PITPNM3: variants seen among roughly 807,000 people sequenced by gnomAD.
PITPNM3 encodes membrane-associated phosphatidylinositol transfer protein 3.
Under a neutral mutation model 102.0 loss-of-function variants are expected in PITPNM3, and 26 were observed. That is an observed-to-expected ratio of 0.25 (90% CI 0.19 to 0.35). PITPNM3 has a LOEUF of 0.35. PITPNM3 is among the 10% of genes least tolerant of loss of function. The pLI, the probability that PITPNM3 is intolerant of heterozygous loss-of-function variation, is 1.00. For synonymous variants in PITPNM3, 578 were observed against 558.6 expected, an observed-to-expected ratio of 1.03 and a Z score of -0.49; for missense variants, 1,083 against 1,346.1, an observed-to-expected ratio of 0.80 and a Z score of 3.06.
At chr17:6,501,092 A>G (rs984510512) in intron 4 of PITPNM3, among the ~76,000 whole-genome samples, 3 of 152,174 alleles carry the variant, frequency 2.0e-5, no homozygotes, top group African/African-American at 7.2e-5. Flanking sequence ...CATCTCATCA[A>G]TTCAATTGTG....
At chr17:6,549,808 G>A (rs886761660) in intron 1 of PITPNM3, among the ~76,000 whole-genome samples, 2 of 151,934 alleles carry the variant, frequency 1.3e-5, no homozygotes, top group Admixed American at 1.3e-4. Flanking sequence ...CTCCCACACC[G>A]AGCCCTTCCC....
chr17:6,548,311 A>AGGCG (rs1910136013), intron 1 of PITPNM3, among the ~76,000 whole-genome samples: 1 of 152,230 alleles, frequency 6.6e-6, no homozygotes, highest in African/African-American at 2.4e-5. Flanking sequence ...AAAGCCCCAG[A>AGGCG]GGCGGAGCTC....
chr17:6,535,731 C>A lies in PITPNM3; in HGVS notation c.118+2256G>T, dbSNP rs190277400. ...GTAAGGAGTTCAAGACCAGCCTGGC[C>A]AACATGGTGAAACCCTGTCTCTACT... On this transcript the variant is annotated intron_variant, in intron 2 of 19. Coordinates refer to ENST00000262483, the MANE Select transcript of PITPNM3 (RefSeq NM_031220.4). Among the ~76,000 whole-genome samples the A allele has an allele frequency of 8.9e-3, 1,352 of 151,554 alleles. 13 individuals are homozygous for A. Among genetic ancestry groups the A allele is most frequent in the African/African-American group, 0.031 (1,280 of 41,316 alleles).
rs569505618 is a variant in PITPNM3, at chr17:6,549,113, T to C, written c.22+7272A>G. Among the ~76,000 whole-genome samples the C allele has an allele frequency of 6.6e-5, 10 of 152,128 alleles. 2 individuals carry two copies. In the South Asian group the frequency reaches 2.1e-3, roughly 32 times the overall value. On this transcript the variant is annotated intron_variant, in intron 1 of 19. Transcript: ENST00000262483. ...TCCAAGCTGTCCTGCTCACCAGCCCTGGAGAAGAGCTTCTCCAGGACACCT... is the reference window on the plus strand; with the variant it reads ...TCCAAGCTGTCCTGCTCACCAGCCCCGGAGAAGAGCTTCTCCAGGACACCT...
In PITPNM3 at chr17:6,457,642, C is replaced by T; in HGVS notation, c.2571G>A (p.Gln857=). The part of the protein sequence containing the change: ...VYSVLGLPAS[Q]IFIVGRPTKK... ...TGGTGGGCCGGCCCACAATGAAGAT[C>T]TGGGAGGCAGGCAGGCCCAGCACGC... Residue 857 remains glutamine (Q), a synonymous_variant, in exon 19 of 20, where the codon CAG becomes CAA. Transcript: ENST00000262483. The surrounding 1 kb of genome is among the most constrained non-coding windows in gnomAD (Gnocchi z 4.7). 6.3e-7 allele frequency: 1 copy of T among 1,593,366 alleles called. No homozygotes were observed. The highest frequency in any genetic ancestry group is 8.6e-7 in the Non-Finnish European group (1 of 1,168,102).
intron 6 of PITPNM3, chr17:6,481,753 T>TAGAC (rs1170555166): frequency 2.0e-5 from 3 of 149,282 alleles, no homozygotes; most frequent in Non-Finnish European, 4.5e-5. Flanking sequence ...GATAGATAGA[T>TAGAC]AGATAGATAG....
intron 3 of PITPNM3, among the ~76,000 whole-genome samples, chr17:6,519,108 C>A (rs1315314024): frequency 6.6e-6 from 1 of 150,856 alleles, no homozygotes; most frequent in African/African-American, 2.4e-5. Context: ...GAGGCCATGG[C>A]GGGCGGATCA....
intron 3 of PITPNM3, 145 bp from the exon 4 acceptor site, chr17:6,503,719 G>T: frequency 1.2e-6 from 1 of 833,810 alleles, no homozygotes; most frequent in Non-Finnish European, 2.0e-6. Flanking sequence ...TTCATGCCCT[G>T]CTCTGCCCTG....
In PITPNM3 at chr17:6,478,802, G is replaced by A; in HGVS notation, c.588-66C>T. 6.8e-7 allele frequency: 1 copy of A among 1,468,184 alleles called. No individual in the cohort carries two copies. Among genetic ancestry groups the A allele is most frequent in the Non-Finnish European group, 9.1e-7 (1 of 1,096,170 alleles). The allele number at this position is 1,468,184 out of a possible 1,614,324, so 90.9% of individuals were successfully genotyped here. Reference sequence around the variant, plus strand: ...GCAGGTTGGCAGGTTTGGGGCTGAGGATCAGGCAGAAGAGAGCACATACTG... The same window carrying A: ...GCAGGTTGGCAGGTTTGGGGCTGAGAATCAGGCAGAAGAGAGCACATACTG... On this transcript the variant is annotated intron_variant, in intron 6 of 19. Coordinates refer to ENST00000262483, the MANE Select transcript of PITPNM3 (RefSeq NM_031220.4). The surrounding 1 kb of genome is among the most constrained non-coding windows in gnomAD (Gnocchi z 4.4).
chr17:6,546,280 A>C (rs574359558), intron 1 of PITPNM3, among the ~76,000 whole-genome samples: 2 of 152,368 alleles, frequency 1.3e-5, no homozygotes, highest in East Asian at 3.9e-4. Flanking sequence ...GGAGCCCTGG[A>C]AGGGCCTATC....
At chr17:6,519,149 A>C (rs1427146821) in intron 3 of PITPNM3, among the ~76,000 whole-genome samples, 1 of 145,374 alleles carries the variant, frequency 6.9e-6, no homozygotes, top group Non-Finnish European at 1.5e-5. Flanking sequence ...CGTCCTGGCT[A>C]ACAAGGTGAA....
At chr17:6,522,019 C>T (rs1908555790) in intron 3 of PITPNM3, among the ~76,000 whole-genome samples, 1 of 152,172 alleles carries the variant, frequency 6.6e-6, no homozygotes, top group South Asian at 2.1e-4. Flanking sequence ...AATTAAAACC[C>T]TAAGCCTGTG....
rs1905131086 is a variant in PITPNM3 at position 6,472,870 on chromosome 17, C to T, written c.1259-43G>A. 1 of 1,608,320 alleles carries T rather than the reference C, an allele frequency of 6.2e-7. No homozygotes were observed. Among genetic ancestry groups the T allele is most frequent in the African/African-American group, 1.3e-5 (1 of 74,778 alleles). On this transcript the variant is annotated intron_variant, in intron 10 of 19. Coordinates refer to ENST00000262483, the MANE Select transcript of PITPNM3 (RefSeq NM_031220.4). This position sits in a 1 kb window ranked among gnomAD's most constrained non-coding sequence, Gnocchi z 4.1. ...ACAGAGGGAAGCCACTTTCTAGTAC[C>T]TGCTCCCTGGGCCCTAGGAGGCTCC...
At position 6,455,261 on chromosome 17, in the gene PITPNM3, G is replaced by C; in HGVS notation, c.*77C>G. 1.4e-6 allele frequency: 2 copies of C among 1,477,822 alleles called. No individual in the cohort carries two copies. The highest frequency in any genetic ancestry group is 1.8e-6 in the Non-Finnish European group (2 of 1,106,122). The allele number at this position is 1,477,822 out of a possible 1,614,324, so 91.5% of individuals were successfully genotyped here. The stretch of plus-strand genomic sequence containing the variant: ...AAAGCAGGAAAACGCCTGTGTCGGG[G>C]AGAGGGCAGCCCCCTCCCGTCCCCG... On this transcript the variant is annotated 3_prime_UTR_variant, in exon 20 of 20. Transcript: ENST00000262483.
In PITPNM3 at chr17:6,556,291, G is replaced by A; in HGVS notation, c.22+94C>T. The A allele has an allele frequency of 6.1e-6, 7 of 1,153,094 alleles. 1 individual carries two copies. The South Asian group carries it at 1.2e-4, about 20-fold the overall frequency. 71.4% of individuals were successfully genotyped at this position (1,153,094 alleles called of 1,614,324 possible). Reference sequence around the variant, plus strand: ...GCCCTCCCGGGACCTCCGCCCACCTGCGCGAGGGGTTCACCTGGGCCGGCG... The same window carrying A: ...GCCCTCCCGGGACCTCCGCCCACCTACGCGAGGGGTTCACCTGGGCCGGCG... On this transcript the variant is annotated intron_variant, in intron 1 of 19. Transcript: ENST00000262483. This position sits in a 1 kb window ranked among gnomAD's most constrained non-coding sequence, Gnocchi z 5.2.
Position 6,483,451 on chromosome 17 carries a change from G to A in PITPNM3, c.587+66C>T, listed in dbSNP as rs1905867069. The A allele has an allele frequency of 1.6e-5, 23 of 1,480,384 alleles. No individual in the cohort carries two copies. The South Asian group carries it at 2.6e-4, about 17-fold the overall frequency. The allele number at this position is 1,480,384 out of a possible 1,614,324, so 91.7% of individuals were successfully genotyped here. On this transcript the variant is annotated intron_variant, in intron 6 of 19. Coordinates refer to ENST00000262483, the MANE Select transcript of PITPNM3 (RefSeq NM_031220.4). Reference sequence around the variant, plus strand: ...CCTGCCCACGGGGTCCATGCTGCAGGGGGAGCCCCTCCACTTAGTTCCCCC... The same window carrying A: ...CCTGCCCACGGGGTCCATGCTGCAGAGGGAGCCCCTCCACTTAGTTCCCCC...
chr17:6,508,271 A>C (rs1907663244), intron 3 of PITPNM3, among the ~76,000 whole-genome samples: 1 of 152,242 alleles, frequency 6.6e-6, no homozygotes, highest in Admixed American at 6.5e-5. Context: ...CAGCTGCATA[A>C]GCCTTGAAGG....
Position 6,550,784 on chromosome 17 carries a change from C to T in PITPNM3, c.22+5601G>A, listed in dbSNP as rs2150682146. 1.3e-5 allele frequency among the ~76,000 whole-genome samples: 2 copies of T among 152,316 alleles called. 1 individual carries two copies. Among genetic ancestry groups the T allele is most frequent in the Middle Eastern group, 6.8e-3 (2 of 294 alleles). On this transcript the variant is annotated intron_variant, in intron 1 of 19. Transcript: ENST00000262483. ...GTATTCTGTGTCCTGCCACACTGGACTTCCAAACACAGGTCAAGTCACAGA... is the reference window on the plus strand; with the variant it reads ...GTATTCTGTGTCCTGCCACACTGGATTTCCAAACACAGGTCAAGTCACAGA...
intron 1 of PITPNM3, among the ~76,000 whole-genome samples, chr17:6,547,556 G>A (rs1910088430): frequency 6.6e-6 from 1 of 152,040 alleles, no homozygotes; most frequent in Non-Finnish European, 1.5e-5. Flanking sequence ...GCCACCTGCA[G>A]GCTCCCCAGG....
Sources: gnomAD v4.1 joint callset for allele counts (sites outside exome capture counted in the v4.1 genomes callset) on GRCh38, gnomAD v4.1.1 for gene constraint, Gnocchi (gnomAD v3.1) non-coding constraint, MANE v1.5 for transcripts, NCBI Gene and HGNC (gene_info 2026-07-23, HGNC 2026-07-21) for gene names.